GTF3C1: variants seen among roughly 807,000 people sequenced by gnomAD.
GTF3C1 encodes the protein general transcription factor 3C polypeptide 1.
Under a neutral mutation model 226.7 loss-of-function variants are expected in GTF3C1, and 57 were observed. That is an observed-to-expected ratio of 0.25 (90% CI 0.20 to 0.31). The LOEUF (loss-of-function observed/expected upper bound fraction) is 0.31. GTF3C1 is among the 10% of genes least tolerant of loss of function. GTF3C1 has a pLI of 1.00. For synonymous variants in GTF3C1, 1,090 were observed against 1,084.8 expected (o/e 1.00, Z -0.09); for missense variants, 2,217 against 2,776.1 (o/e 0.80, Z 4.53).
At position 27,492,278 on chromosome 16, in the gene GTF3C1, C is replaced by A; in HGVS notation, c.3151+60G>T. 1 of 990,492 alleles carries A rather than the reference C, an allele frequency of 1.0e-6. No homozygotes were observed. The highest frequency in any genetic ancestry group is 1.6e-6 in the Non-Finnish European group (1 of 644,376). The allele number at this position is 990,492 out of a possible 1,614,324, so 61.4% of individuals were successfully genotyped here. On this transcript the variant is annotated intron_variant, in intron 19 of 36. Coordinates refer to ENST00000356183, the MANE Select transcript of GTF3C1 (RefSeq NM_001520.4). The surrounding 1 kb of genome is among the most constrained non-coding windows in gnomAD (Gnocchi z 5.0). The stretch of plus-strand genomic sequence containing the variant: ...CCTAGGCTTTTCTAGCCCTAAATCC[C>A]AGTTAGCACACAGAAAGGAGCAAAA...
intron 14 of GTF3C1, among the ~76,000 whole-genome samples, chr16:27,496,850 C>T (rs2088326310): frequency 6.6e-6 from 1 of 152,250 alleles, no homozygotes; most frequent in South Asian, 2.1e-4. Context: ...ACCCGAGGAA[C>T]ACCCGCGCTG....
At chr16:27,502,771 C>G in intron 11 of GTF3C1, 88 bp downstream of exon 11, 1 of 1,344,120 alleles carries the variant, frequency 7.4e-7, no homozygotes, top group Admixed American at 2.0e-5. Flanking sequence ...GAATGCCCCT[C>G]AGTGGTGTCC....
chr16:27,477,575 G>T (rs2087970463), intron 28 of GTF3C1, among the ~76,000 whole-genome samples: 1 of 152,236 alleles, frequency 6.6e-6, no homozygotes, highest in Non-Finnish European at 1.5e-5. Context: ...AAAGTGCTGG[G>T]ATTACAGGCG....
intron 27 of GTF3C1, among the ~76,000 whole-genome samples, chr16:27,480,424 G>A (rs1161205373): frequency 6.6e-6 from 1 of 152,192 alleles, no homozygotes; most frequent in Non-Finnish European, 1.5e-5. Flanking sequence ...TGGCAATACA[G>A]TGGGTGAGAC....
intron 6 of GTF3C1, among the ~76,000 whole-genome samples, chr16:27,525,500 T>C (rs555017867): frequency 6.6e-6 from 1 of 152,346 alleles, no homozygotes; most frequent in East Asian, 1.9e-4. Flanking sequence ...GTATTGTAAT[T>C]ATCTGTGTGA....
chr16:27,487,569 G>A (rs1380434720), intron 23 of GTF3C1, among the ~76,000 whole-genome samples: 4 of 152,182 alleles, frequency 2.6e-5, no homozygotes, highest in East Asian at 1.9e-4. Flanking sequence ...CCAGCATGGC[G>A]GCTCACTTGA....
chr16:27,472,351 C>T (rs978274110), intron 29 of GTF3C1, among the ~76,000 whole-genome samples: 2 of 152,174 alleles, frequency 1.3e-5, no homozygotes, highest in Admixed American at 1.3e-4. Context: ...CTGCACTGGC[C>T]CATCTAGTCT....
chr16:27,493,332 G>C (rs2088261400), intron 16 of GTF3C1, 36 bp from the exon 17 acceptor site: 1 of 1,024,054 alleles, frequency 9.8e-7, no homozygotes, highest in African/African-American at 1.6e-5. Flanking sequence ...CTCGCCCTGA[G>C]GGCCAGGGCG....
At position 27,501,177 on chromosome 16, in the gene GTF3C1, G is replaced by A. The variant is rs780546575; in HGVS notation, c.2061+14C>T. The A allele has an allele frequency of 1.9e-6, 3 of 1,605,490 alleles. No individual in the cohort carries two copies. Among genetic ancestry groups the A allele is most frequent in the South Asian group, 2.2e-5 (2 of 90,886 alleles). On this transcript the variant is annotated intron_variant, in intron 12 of 36. Coordinates refer to ENST00000356183, the MANE Select transcript of GTF3C1 (RefSeq NM_001520.4). ...ACGAGGCTGGCTCTGGGCATCGGGG[G>A]AGGCCCTGGTTACCTTCTTCTTGAT...
intron 10 of GTF3C1, among the ~76,000 whole-genome samples, chr16:27,503,659 T>A (rs1057364080): frequency 6.6e-6 from 1 of 152,230 alleles, no homozygotes; most frequent in Admixed American, 6.5e-5. Flanking sequence ...TCTCTTGTAA[T>A]GTCTTTCTCT....
At position 27,462,638 on chromosome 16, in the gene GTF3C1, C is replaced by A. The variant is rs2087723233; in HGVS notation, c.5925-152G>T. ...TGCTCTCTGCTTTCCAAACTCCCTG[C>A]TTCTCTCCTGTCTGGACAGAGGGGC... On this transcript the variant is annotated intron_variant, in intron 35 of 36. Coordinates refer to ENST00000356183, the MANE Select transcript of GTF3C1 (RefSeq NM_001520.4). This position sits in a 1 kb window ranked among gnomAD's most constrained non-coding sequence, Gnocchi z 4.5. The A allele has an allele frequency of 1.6e-6, 1 of 625,572 alleles. No individual in the cohort carries two copies. Among genetic ancestry groups the A allele is most frequent in the East Asian group, 2.8e-5 (1 of 36,334 alleles). 38.8% of individuals were successfully genotyped at this position (625,572 alleles called of 1,614,324 possible).
intron 1 of GTF3C1, among the ~76,000 whole-genome samples, chr16:27,548,432 A>C (rs549274746): frequency 6.6e-6 from 1 of 152,136 alleles, no homozygotes; most frequent in African/African-American, 2.4e-5. Flanking sequence ...ACGCCAGGCT[A>C]ATTTTTGTAT....
chr16:27,484,745 G>A (rs1325125096), intron 24 of GTF3C1, among the ~76,000 whole-genome samples: 1 of 152,250 alleles, frequency 6.6e-6, no homozygotes, highest in Non-Finnish European at 1.5e-5. Context: ...CGTTCTGTAT[G>A]TTGTGCTTGT....
At chr16:27,538,815 G>A (rs1191180387) in intron 2 of GTF3C1, among the ~76,000 whole-genome samples, 4 of 152,022 alleles carry the variant, frequency 2.6e-5, no homozygotes, top group African/African-American at 9.7e-5. Context: ...CAGGTCTTTA[G>A]GTGACTGATT....
At chr16:27,481,313 C>A in intron 26 of GTF3C1, 122 bp from the exon 27 acceptor site, 1 of 765,588 alleles carries the variant, frequency 1.3e-6, no homozygotes, top group Non-Finnish European at 2.2e-6. Flanking sequence ...GAACCACTGA[C>A]CAGGTGCCTC....
rs1369855259 is a variant in GTF3C1, at chr16:27,489,757, C to T, written c.3152-14G>A. 9 of 1,607,572 alleles carry T rather than the reference C, an allele frequency of 5.6e-6. No individual in the cohort carries two copies. Among genetic ancestry groups the T allele is most frequent in the East Asian group, 2.2e-5 (1 of 44,800 alleles). On this transcript the variant is annotated splice_polypyrimidine_tract_variant and intron_variant, in intron 19 of 36. Transcript: ENST00000356183. ...AGCGCACCACGCCTGGAAAACCAAA[C>T]ATCAGGGTGACCAATCACGCCTTCC...
Position 27,469,573 on chromosome 16 carries a change from A to T in GTF3C1, c.4815-23T>A. Reference sequence around the variant, plus strand: ...AAGCTAGAAGGGAATTGTGACCTGGATACCTGAGCATAGGCCAGCCAGTTG... The same window carrying T: ...AAGCTAGAAGGGAATTGTGACCTGGTTACCTGAGCATAGGCCAGCCAGTTG... On this transcript the variant is annotated intron_variant, in intron 31 of 36. Coordinates refer to ENST00000356183, the MANE Select transcript of GTF3C1 (RefSeq NM_001520.4). This position sits in a 1 kb window ranked among gnomAD's most constrained non-coding sequence, Gnocchi z 4.5. 1 of 1,595,500 alleles carries T rather than the reference A, an allele frequency of 6.3e-7. No homozygotes were observed. The highest frequency in any genetic ancestry group is 1.1e-5 in the South Asian group (1 of 89,406).
intron 26 of GTF3C1, among the ~76,000 whole-genome samples, chr16:27,481,461 T>C (rs997399823): frequency 1.3e-5 from 2 of 151,976 alleles, no homozygotes; most frequent in Non-Finnish European, 2.9e-5. Flanking sequence ...CCTGCATCGC[T>C]GGCACTCTCC....
chr16:27,534,825 G>C (rs1307634542), intron 4 of GTF3C1, among the ~76,000 whole-genome samples: 2 of 152,152 alleles, frequency 1.3e-5, no homozygotes, highest in South Asian at 2.1e-4. Flanking sequence ...GTTTGAACTG[G>C]CCGGGTCCAC....
Sources: gnomAD v4.1 joint callset for allele counts (sites outside exome capture counted in the v4.1 genomes callset) on GRCh38, gnomAD v4.1.1 for gene constraint, Gnocchi (gnomAD v3.1) non-coding constraint, MANE v1.5 for transcripts, NCBI Gene and HGNC (gene_info 2026-07-23, HGNC 2026-07-21) for gene names.